USP15: variants seen among roughly 807,000 people sequenced by gnomAD.
The protein encoded by USP15 is ubiquitin specific peptidase 15.
In USP15, 18 loss-of-function variants were observed where a neutral mutation model predicts 127.1. That is an observed-to-expected ratio of 0.14 (90% CI 0.10 to 0.21). The LOEUF is 0.21. USP15 is among the 10% of genes least tolerant of loss of function. The pLI is 1.00. For synonymous variants in USP15, 364 were observed against 393.7 expected (o/e 0.92, Z 0.89); for missense variants, 805 against 1,159.9 (o/e 0.69, Z 4.44).
intron 6 of USP15, among the ~76,000 whole-genome samples, chr12:62,333,273 G>A (rs2065357891): frequency 6.6e-6 from 1 of 151,932 alleles, no homozygotes; most frequent in Non-Finnish European, 1.5e-5. Flanking sequence ...ATTTGTTGTT[G>A]TTGTTGTTTT....
At chr12:62,350,721 C>T (rs955651568) in intron 7 of USP15, among the ~76,000 whole-genome samples, 1 of 152,104 alleles carries the variant, frequency 6.6e-6, no homozygotes, top group South Asian at 2.1e-4. Flanking sequence ...ACCTCCCAGG[C>T]TCAAGTGATC....
At chr12:62,312,105 G>A (rs10431509) in intron 3 of USP15, among the ~76,000 whole-genome samples, 46,159 of 151,282 alleles carry the variant, frequency 0.31, 7,223 homozygotes, top group African/African-American at 0.37. Context: ...TCTCACTCAG[G>A]CTCCAGGATC....
rs1046791096 is a variant in USP15, at chr12:62,390,785, T to C, written c.1845-79T>C. The C allele has an allele frequency of 6.7e-6, 7 of 1,044,738 alleles. No individual in the cohort carries two copies. In the African/African-American group the frequency reaches 9.8e-5, roughly 15 times the overall value. 64.7% of individuals were successfully genotyped at this position (1,044,738 alleles called of 1,614,324 possible). On this transcript the variant is annotated intron_variant, in intron 14 of 21. Coordinates refer to ENST00000280377, the MANE Select transcript of USP15 (RefSeq NM_001252078.2). ...CTGTTACTGCATTAAAAAGTTTTGTTTTACTGATAGAAGGAAAACTTTTTA... is the reference window on the plus strand; with the variant it reads ...CTGTTACTGCATTAAAAAGTTTTGTCTTACTGATAGAAGGAAAACTTTTTA...
intron 1 of USP15, among the ~76,000 whole-genome samples, chr12:62,277,088 T>G (rs1247662581): frequency 6.6e-6 from 1 of 152,164 alleles, no homozygotes; most frequent in Non-Finnish European, 1.5e-5. Context: ...ACATAACTTC[T>G]GTGTTAAACA....
chr12:62,358,132 A>G (rs557796570), intron 8 of USP15, among the ~76,000 whole-genome samples: 3 of 152,068 alleles, frequency 2.0e-5, no homozygotes, highest in African/African-American at 7.2e-5. Context: ...ATTTCAGCAC[A>G]TCAGGTGGTA....
intron 1 of USP15, among the ~76,000 whole-genome samples, chr12:62,282,572 T>G (rs1478770553): frequency 6.6e-6 from 1 of 152,196 alleles, no homozygotes; most frequent in Non-Finnish European, 1.5e-5. Flanking sequence ...ATGGAAGATT[T>G]CAGAAATAAT....
chr12:62,394,035 TG>T (rs1358792950), intron 19 of USP15, among the ~76,000 whole-genome samples: 3 of 152,248 alleles, frequency 2.0e-5, no homozygotes, highest in Non-Finnish European at 4.4e-5. Context: ...GATATATCTA[TG>T]GCCATACCAC....
intron 6 of USP15, among the ~76,000 whole-genome samples, chr12:62,333,119 T>G (rs1402680086): frequency 6.6e-6 from 1 of 152,264 alleles, no homozygotes; most frequent in Non-Finnish European, 1.5e-5. Context: ...ACTCATTTGG[T>G]TAAAAATTAT....
intron 2 of USP15, 140 bp downstream of exon 2, chr12:62,294,446 A>G (rs972396451): frequency 4.6e-6 from 4 of 875,408 alleles, no homozygotes; most frequent in Non-Finnish European, 6.6e-6. Context: ...TGAACTCATT[A>G]TTCTAATAAG....
chr12:62,354,575 T>C (rs188517296), intron 7 of USP15, among the ~76,000 whole-genome samples: 205 of 152,116 alleles, frequency 1.3e-3, no homozygotes, highest in African/African-American at 4.7e-3. Context: ...GTTTAACTTA[T>C]TTTCTTCTTT....
At position 62,360,612 on chromosome 12, in the gene USP15, CAGTTTAACACTAAACCTTCT is replaced by C. The variant is rs1255171122; in HGVS notation, c.915+5143_915+5162del. Among the ~76,000 whole-genome samples the C allele has an allele frequency of 3.9e-5, 6 of 151,990 alleles. No homozygotes were observed. In the East Asian group the frequency reaches 5.8e-4, roughly 15 times the overall value. On this transcript the variant is annotated intron_variant, in intron 8 of 21. Transcript: ENST00000280377. ...ATTGGAACTCAGTTTCTTAGAAGTC[CAGTTTAACACTAAACCTTCT>C]AGTTTTATTTAAATTACCAACCTTA...
intron 1 of USP15, among the ~76,000 whole-genome samples, chr12:62,271,191 T>G (rs1204692318): frequency 1.3e-5 from 2 of 152,204 alleles, no homozygotes; most frequent in South Asian, 2.1e-4. Flanking sequence ...CTCACATTAA[T>G]CCTTCAAATG....
rs1565921801 is a variant in USP15 at position 62,404,336 on chromosome 12, C to A, written c.2907C>A (p.Asp969Glu). 1 of 1,611,854 alleles carries A rather than the reference C, an allele frequency of 6.2e-7. No individual in the cohort carries two copies. Residue 969 changes from aspartate (D) to glutamate (E), a missense_variant, in exon 22 of 22, where the codon GAC becomes GAA. This residue lies in a region of USP15 where 116 missense variants were observed against 157.2 expected (regional missense o/e 0.74). Coordinates refer to ENST00000280377, the MANE Select transcript of USP15 (RefSeq NM_001252078.2). ...LESDEDSNDN[D>E]NDIENENCMH... ...GTGATGAAGATAGCAATGATAATGACAATGATATAGAAAATGAAAACTGTA... is the reference window on the plus strand; with the variant it reads ...GTGATGAAGATAGCAATGATAATGAAAATGATATAGAAAATGAAAACTGTA...
intron 4 of USP15, among the ~76,000 whole-genome samples, chr12:62,319,051 A>C (rs1029457928): frequency 2.6e-5 from 4 of 152,166 alleles, no homozygotes; most frequent in Non-Finnish European, 5.9e-5. Flanking sequence ...GTAATTTATG[A>C]AGAAAAGAGG....
intron 1 of USP15, among the ~76,000 whole-genome samples, chr12:62,277,796 G>C (rs896377184): frequency 6.6e-6 from 1 of 152,116 alleles, no homozygotes; most frequent in African/African-American, 2.4e-5. Flanking sequence ...TGGGCCACCT[G>C]TGGGCCTCAG....
rs781620399 is a variant in USP15 at position 62,389,449 on chromosome 12, A to C, written c.1492A>C (p.Lys498Gln). ...KPMQYKVVVPKIGNILDLCTA... is the reference protein window; with the variant it reads ...KPMQYKVVVPQIGNILDLCTA... Reference sequence around the variant, plus strand: ...TTTTTAGTACAAAGTGGTTGTCCCCAAAATTGGAAACATATTAGATCTTTG... The same window carrying C: ...TTTTTAGTACAAAGTGGTTGTCCCCCAAATTGGAAACATATTAGATCTTTG... Residue 498 changes from lysine (K) to glutamine (Q), a missense_variant, in exon 12 of 22, where the codon AAA (lysine) becomes CAA (glutamine). Coordinates refer to ENST00000280377, the MANE Select transcript of USP15 (RefSeq NM_001252078.2). The C allele has an allele frequency of 1.9e-6, 3 of 1,611,708 alleles. No individual in the cohort carries two copies. Among genetic ancestry groups the C allele is most frequent in the Admixed American group, 1.7e-5 (1 of 59,654 alleles).
chr12:62,309,840 TA>T (rs560189738), intron 3 of USP15, among the ~76,000 whole-genome samples: 23 of 145,590 alleles, frequency 1.6e-4, no homozygotes, highest in South Asian at 4.4e-4. Context: ...TGTATGATCT[TA>T]AAAAAAAAAA....
intron 1 of USP15, among the ~76,000 whole-genome samples, chr12:62,281,504 A>G (rs913996680): frequency 4.6e-5 from 7 of 151,982 alleles, no homozygotes; most frequent in East Asian, 1.9e-4. Context: ...ACACTTGACT[A>G]ATTTTTGTAT....
At chr12:62,360,381 G>T (rs1054007984) in intron 8 of USP15, among the ~76,000 whole-genome samples, 1 of 151,826 alleles carries the variant, frequency 6.6e-6, no homozygotes. Flanking sequence ...CAAAAATTTA[G>T]AAGAATGTTA....
Sources: allele counts gnomAD v4.1 joint callset (sites outside exome capture counted in the v4.1 genomes callset), GRCh38; gene constraint gnomAD v4.1.1; regional missense constraint gnomAD v4.1.1; transcripts MANE v1.5; gene names NCBI Gene and HGNC (gene_info 2026-07-23, HGNC 2026-07-21).